The following EBF1 variants were observed in gnomAD, a reference collection of about 807,000 sequenced individuals.
The protein encoded by EBF1 is transcription factor COE1.
Under a neutral mutation model 68.4 loss-of-function variants are expected in EBF1, and 10 were observed. That is an observed-to-expected ratio of 0.15 (90% CI 0.09 to 0.25). The LOEUF is 0.25. EBF1 is among the 10% of genes least tolerant of loss of function. The pLI, the probability that EBF1 is intolerant of heterozygous loss-of-function variation, is 1.00. For missense variants in EBF1, 509 were observed against 794.4 expected (o/e 0.64, Z 4.32); for synonymous variants, 298 against 299.8 (o/e 0.99, Z 0.06).
rs1188855716 is a variant in EBF1, at chr5:158,697,519, G to A, written c.*1592C>T. On this transcript the variant is annotated 3_prime_UTR_variant, in exon 16 of 16. Transcript: ENST00000313708. ...AAATAAATTGGGGGTGGAAGGAAGA[G>A]GAAGAAGGGAAAAGCAATGTACAAA... 1 of 209,430 alleles carries A rather than the reference G, an allele frequency of 4.8e-6. No individual in the cohort carries two copies. Among genetic ancestry groups the A allele is most frequent in the Non-Finnish European group, 9.7e-6 (1 of 102,998 alleles). The allele number at this position is 209,430 out of a possible 1,614,324, so 13.0% of individuals were successfully genotyped here.
intron 6 of EBF1, among the ~76,000 whole-genome samples, chr5:158,866,054 T>C (rs1189366426): frequency 1.3e-5 from 2 of 152,176 alleles, no homozygotes; most frequent in African/African-American, 4.8e-5. Flanking sequence ...GGGACCCAAA[T>C]GAAACATATT....
At chr5:158,802,708 C>G (rs1780829101) in intron 8 of EBF1, among the ~76,000 whole-genome samples, 3 of 152,178 alleles carry the variant, frequency 2.0e-5, no homozygotes, top group African/African-American at 7.2e-5. Flanking sequence ...GCACCTAGTG[C>G]AACCTTGAAA....
At chr5:158,763,701 T>C (rs762944291) in intron 10 of EBF1, among the ~76,000 whole-genome samples, 1 of 152,160 alleles carries the variant, frequency 6.6e-6, no homozygotes, top group Non-Finnish European at 1.5e-5. Flanking sequence ...CAAACGACCA[T>C]GGTGATGTTT....
intron 4 of EBF1, among the ~76,000 whole-genome samples, chr5:159,087,002 TA>T (rs1196696579): frequency 6.6e-6 from 1 of 151,962 alleles, no homozygotes; most frequent in Admixed American, 6.6e-5. Context: ...GAAAACATTT[TA>T]AAAAACACAG....
chr5:158,835,095 T>C (rs1788454023), intron 7 of EBF1, among the ~76,000 whole-genome samples: 1 of 152,142 alleles, frequency 6.6e-6, no homozygotes, highest in Admixed American at 6.5e-5. Context: ...ATGAGAAAAA[T>C]GCTAAAAAGT....
intron 6 of EBF1, among the ~76,000 whole-genome samples, chr5:158,888,716 T>G (rs917060504): frequency 6.6e-6 from 1 of 152,104 alleles, no homozygotes; most frequent in East Asian, 1.9e-4. Flanking sequence ...TGTCTCGATA[T>G]GAATTTACTC....
chr5:158,875,065 A>ACACG lies in EBF1; in HGVS notation c.555-34956_555-34955insCGTG, dbSNP rs1489705360. Among the ~76,000 whole-genome samples the ACACG allele has an allele frequency of 2.6e-5, 4 of 151,254 alleles. No individual in the cohort carries two copies. In the East Asian group the frequency reaches 7.8e-4, roughly 29 times the overall value. Reference sequence around the variant, plus strand: ...AGCACACACACACACATACACACACACACACACACACACACACACACACCA... The same window carrying ACACG: ...AGCACACACACACACATACACACACACACGCACACACACACACACACACACACCA... On this transcript the variant is annotated intron_variant, in intron 6 of 15. Transcript: ENST00000313708.
intron 6 of EBF1, among the ~76,000 whole-genome samples, chr5:158,908,753 G>T (rs1267891597): frequency 1.3e-5 from 2 of 152,206 alleles, no homozygotes; most frequent in Non-Finnish European, 2.9e-5. Flanking sequence ...GCCAGGAAGA[G>T]GTGGCGTGAT....
rs373625647 is a variant in EBF1 at position 158,940,604 on chromosome 5, G to T, written c.555-100494C>A. On this transcript the variant is annotated intron_variant, in intron 6 of 15. Transcript: ENST00000313708. Reference sequence around the variant, plus strand: ...CTTAAGCATTTTGCTGTGCTATTTGGCTGCTGTAGTTCTTGGAACGTTCTT... The same window carrying T: ...CTTAAGCATTTTGCTGTGCTATTTGTCTGCTGTAGTTCTTGGAACGTTCTT... Among the ~76,000 whole-genome samples the T allele has an allele frequency of 2.0e-5, 3 of 152,148 alleles. No homozygotes were observed. In the East Asian group the frequency reaches 5.8e-4, roughly 29 times the overall value.
intron 8 of EBF1, among the ~76,000 whole-genome samples, chr5:158,808,959 T>C (rs1054554251): frequency 2.0e-5 from 3 of 152,180 alleles, no homozygotes; most frequent in South Asian, 4.1e-4. Context: ...TACAAAACAC[T>C]AACCCTTTAG....
chr5:158,813,908 T>C (rs1217680619), intron 8 of EBF1, among the ~76,000 whole-genome samples: 1 of 152,172 alleles, frequency 6.6e-6, no homozygotes, highest in Non-Finnish European at 1.5e-5. Context: ...TAAACATCAT[T>C]TGAAGCCTCT....
intron 8 of EBF1, among the ~76,000 whole-genome samples, chr5:158,822,267 C>CGGATGGATGGATGGATGGATGGAT: frequency 1.8e-5 from 1 of 57,072 alleles, no homozygotes; most frequent in East Asian, 3.8e-4. Flanking sequence ...GACGGATGGA[C>CGGATGGATGGATGGATGGATGGAT]GGATGGATGG....
At chr5:159,068,833 T>A (rs1777311998) in intron 6 of EBF1, among the ~76,000 whole-genome samples, 1 of 152,164 alleles carries the variant, frequency 6.6e-6, no homozygotes, top group Non-Finnish European at 1.5e-5. Flanking sequence ...TTTTTTTCCT[T>A]TATAGGAGAC....
intron 10 of EBF1, among the ~76,000 whole-genome samples, chr5:158,751,246 T>TAG (rs1006553484): frequency 2.0e-4 from 30 of 152,254 alleles, no homozygotes; most frequent in Middle Eastern, 3.4e-3. Flanking sequence ...TTTTCTAAAT[T>TAG]AGCACATATT....
At chr5:159,015,662 G>T (rs151219391) in intron 6 of EBF1, among the ~76,000 whole-genome samples, 2 of 152,236 alleles carry the variant, frequency 1.3e-5, no homozygotes, top group African/African-American at 4.8e-5. Flanking sequence ...AACTTCAGTG[G>T]GTTTTCTCCC....
At chr5:158,951,239 G>A (rs1815898371) in intron 6 of EBF1, among the ~76,000 whole-genome samples, 1 of 152,194 alleles carries the variant, frequency 6.6e-6, no homozygotes, top group East Asian at 1.9e-4. Context: ...GGGTGGGCCT[G>A]TGATGCCATG....
chr5:158,782,667 T>TAATAA (rs1004309038), intron 9 of EBF1, among the ~76,000 whole-genome samples: 3 of 151,652 alleles, frequency 2.0e-5, no homozygotes, highest in Non-Finnish European at 2.9e-5. Flanking sequence ...TCAGAAAAAA[T>TAATAA]AATAAAATAA....
At chr5:159,063,399 C>T (rs1194653996) in intron 6 of EBF1, among the ~76,000 whole-genome samples, 2 of 152,124 alleles carry the variant, frequency 1.3e-5, no homozygotes, top group African/African-American at 2.4e-5. Context: ...GACTTTAACC[C>T]GGGGATATTT....
chr5:158,744,770 T>C (rs989935283), intron 10 of EBF1, among the ~76,000 whole-genome samples: 3 of 152,216 alleles, frequency 2.0e-5, no homozygotes, highest in Non-Finnish European at 4.4e-5. Flanking sequence ...GAACTTCAGA[T>C]GCCTCAAGGC....
Sources: allele counts gnomAD v4.1 joint callset (sites outside exome capture counted in the v4.1 genomes callset), GRCh38; gene constraint gnomAD v4.1.1; transcripts MANE v1.5; gene names NCBI Gene and HGNC (gene_info 2026-07-23, HGNC 2026-07-21).